Variants in NUTF2 observed in about 807,000 individuals in gnomAD.
NUTF2 encodes nuclear transport factor 2, also known as placental protein 15.
Under a neutral mutation model 18.5 loss-of-function variants are expected in NUTF2, and 3 were observed. The ratio of observed to expected loss-of-function variants is 0.16; its 90% CI spans 0.07 to 0.42. The LOEUF is 0.42. Among genes scored for constraint, NUTF2 ranks in the 10% least tolerant of loss-of-function variants. The pLI is 0.99. For synonymous variants in NUTF2, 51 were observed against 57.9 expected (o/e 0.88, Z 0.54); for missense variants, 44 against 160.7 (o/e 0.27, Z 3.93).
intron 1 of NUTF2, chr16:67,855,938 T>C: frequency 2.7e-6 from 2 of 751,640 alleles, no homozygotes; most frequent in Non-Finnish European, 2.1e-6. Flanking sequence ...TTGCGGGGAG[T>C]GGGCAGATGT....
At chr16:67,870,253 TAG>T in intron 4 of NUTF2, 1 of 152,630 alleles carries the variant, frequency 6.6e-6, no homozygotes, top group South Asian at 2.1e-4. Flanking sequence ...CAGGTGATGT[TAG>T]AGACAGTGCT....
rs755127384 is a variant in NUTF2 at position 67,868,378 on chromosome 16, C to T, written c.138C>T (p.Phe46=). ...GCCTTACGTGGGAAGGACAACAGTT[C>T]CAGGGGAAAGCTGCCATTGTGGAGA... ...ASCLTWEGQQ[F]QGKAAIVEKL... is the part of the protein sequence containing the mutation. Residue 46 remains phenylalanine (F), a synonymous_variant, in exon 3 of 5, where the codon TTC becomes TTT. Coordinates refer to ENST00000219169, the MANE Select transcript of NUTF2 (RefSeq NM_005796.3). 7 of 1,614,040 alleles carry T rather than the reference C, an allele frequency of 4.3e-6. No individual in the cohort carries two copies. In the South Asian group the frequency reaches 6.6e-5, roughly 15 times the overall value.
Position 67,864,292 on chromosome 16 carries a change from C to G in NUTF2, c.-29-810C>G, listed in dbSNP as rs184608900. ...TTGGGAGGCCAAGGCGGGTGGATCACTTGCAGTCTGGAGTTCGAGACCAGC... is the reference window on the plus strand; with the variant it reads ...TTGGGAGGCCAAGGCGGGTGGATCAGTTGCAGTCTGGAGTTCGAGACCAGC... On this transcript the variant is annotated intron_variant, in intron 1 of 4. Coordinates refer to ENST00000219169, the MANE Select transcript of NUTF2 (RefSeq NM_005796.3). 4.8e-3 allele frequency among the ~76,000 whole-genome samples: 728 copies of G among 152,320 alleles called. 6 individuals are homozygous for G. Among genetic ancestry groups the G allele is most frequent in the Non-Finnish European group, 8.0e-3 (542 of 68,024 alleles).
At chr16:67,862,179 G>A (rs952910486) in intron 1 of NUTF2, among the ~76,000 whole-genome samples, 2 of 152,144 alleles carry the variant, frequency 1.3e-5, no homozygotes, top group African/African-American at 4.8e-5. Context: ...TAGAGCTCAG[G>A]GATGCAGAGT....
At chr16:67,860,512 C>T (rs1462153419) in intron 1 of NUTF2, among the ~76,000 whole-genome samples, 1 of 152,166 alleles carries the variant, frequency 6.6e-6, no homozygotes, top group Non-Finnish European at 1.5e-5. Context: ...CTCAAGTGAT[C>T]CTCCTGCGTG....
At chr16:67,858,760 G>A (rs1244745381) in intron 1 of NUTF2, among the ~76,000 whole-genome samples, 1 of 152,146 alleles carries the variant, frequency 6.6e-6, no homozygotes, top group Non-Finnish European at 1.5e-5. Context: ...AGGTGCCATG[G>A]GACAGAATAC....
chr16:67,870,499 T>C (rs990876575), intron 4 of NUTF2: 1 of 354,900 alleles, frequency 2.8e-6, no homozygotes, highest in Non-Finnish European at 5.2e-6. Context: ...TCTGGAGATA[T>C]GTGCTTGGAG....
At chr16:67,859,606 C>T (rs1027779245) in intron 1 of NUTF2, among the ~76,000 whole-genome samples, 2 of 152,026 alleles carry the variant, frequency 1.3e-5, no homozygotes, top group East Asian at 1.9e-4. Context: ...GATCCACCCG[C>T]CTCAGCCTCC....
chr16:67,854,267 G>A (rs1052097565), intron 1 of NUTF2, among the ~76,000 whole-genome samples: 2 of 152,188 alleles, frequency 1.3e-5, no homozygotes, highest in Non-Finnish European at 2.9e-5. Flanking sequence ...AGGCCTTCTA[G>A]TCCCCTGCTT....
chr16:67,859,928 G>A (rs1158882214), intron 1 of NUTF2, among the ~76,000 whole-genome samples: 2 of 150,202 alleles, frequency 1.3e-5, no homozygotes, highest in African/African-American at 2.5e-5. Flanking sequence ...TCAGCCTCCC[G>A]GGTAGCTGGG....
intron 1 of NUTF2, among the ~76,000 whole-genome samples, chr16:67,864,838 C>T (rs1285480284): frequency 6.6e-6 from 1 of 152,104 alleles, no homozygotes; most frequent in Non-Finnish European, 1.5e-5. Context: ...AGCACCCCTC[C>T]TGTGTGCTCC....
chr16:67,854,236 A>T (rs1413328506), intron 1 of NUTF2, among the ~76,000 whole-genome samples: 4 of 152,192 alleles, frequency 2.6e-5, no homozygotes, highest in African/African-American at 9.6e-5. Context: ...GGCGTGAGCC[A>T]CTGCTTGCCT....
intron 4 of NUTF2, 45 bp downstream of exon 4, chr16:67,868,644 G>T (rs759882925): frequency 6.4e-6 from 10 of 1,562,286 alleles, no homozygotes; most frequent in Non-Finnish European, 7.9e-6. Flanking sequence ...GCAGGCAGAG[G>T]AGAGTCTTGT....
At chr16:67,870,031 C>G (rs1249419045) in intron 4 of NUTF2, 1 of 152,250 alleles carries the variant, frequency 6.6e-6, no homozygotes, top group Non-Finnish European at 1.5e-5. Flanking sequence ...GTCAGTTTCT[C>G]CTGCCTGTTC....
At chr16:67,855,900 T>TGGGGGG (rs1256646247) in intron 1 of NUTF2, 58 of 222,060 alleles carry the variant, frequency 2.6e-4, no homozygotes, top group African/African-American at 1.9e-3. Context: ...GGGGGGGGGA[T>TGGGGGG]GGGGGAAATG....
intron 2 of NUTF2, among the ~76,000 whole-genome samples, chr16:67,866,899 T>G (rs1370246789): frequency 1.3e-5 from 2 of 150,262 alleles, no homozygotes; most frequent in Non-Finnish European, 3.0e-5. Flanking sequence ...TGAGTTACCA[T>G]GCCCAGCATA....
At chr16:67,859,091 T>A (rs1196639011) in intron 1 of NUTF2, among the ~76,000 whole-genome samples, 1 of 152,008 alleles carries the variant, frequency 6.6e-6, no homozygotes, top group Non-Finnish European at 1.5e-5. Flanking sequence ...TGCCTTGGAC[T>A]CCCAAAGTGT....
intron 1 of NUTF2, among the ~76,000 whole-genome samples, chr16:67,860,097 A>G (rs2057925434): frequency 6.6e-6 from 1 of 151,096 alleles, no homozygotes; most frequent in African/African-American, 2.4e-5. Flanking sequence ...CTGCTGCCTC[A>G]GCCTCCCAAG....
At chr16:67,859,053 T>C (rs900423443) in intron 1 of NUTF2, among the ~76,000 whole-genome samples, 1 of 152,076 alleles carries the variant, frequency 6.6e-6, no homozygotes, top group African/African-American at 2.4e-5. Context: ...CAGGCTGGTC[T>C]TGAACTGCTG....
Sources: gnomAD v4.1 joint callset for allele counts (sites outside exome capture counted in the v4.1 genomes callset) on GRCh38, gnomAD v4.1.1 for gene constraint, MANE v1.5 for transcripts, NCBI Gene and HGNC (gene_info 2026-07-23, HGNC 2026-07-21) for gene names.